Variants in EIF3E observed in about 807,000 individuals in gnomAD.
EIF3E encodes eukaryotic translation initiation factor 3 subunit E, also known as eIF-3 p48.
In EIF3E, 25 loss-of-function variants were observed where a neutral mutation model predicts 59.3. That is an observed-to-expected ratio of 0.42 (90% CI 0.31 to 0.59). The LOEUF (loss-of-function observed/expected upper bound fraction) is 0.59, where lower values mean the gene tolerates loss of function less well. Ranked by LOEUF, EIF3E falls within the 20% of genes least tolerant of loss-of-function variation. The pLI, the probability that EIF3E is intolerant of heterozygous loss-of-function variation, is 0.15. For synonymous variants in EIF3E, 176 were observed against 170.2 expected (o/e 1.03, Z -0.26); for missense variants, 317 against 534.3 (o/e 0.59, Z 4.01).
chr8:108,246,794 C>A (rs944929474), intron 1 of EIF3E, among the ~76,000 whole-genome samples: 1 of 152,138 alleles, frequency 6.6e-6, no homozygotes, highest in African/African-American at 2.4e-5. Flanking sequence ...CTTCCACTTA[C>A]TAAAAAGTAA....
chr8:108,242,597 CAAT>C, intron 1 of EIF3E: 3 of 1,167,972 alleles, frequency 2.6e-6, no homozygotes, highest in Non-Finnish European at 3.2e-6. Flanking sequence ...GAAAATGCCA[CAAT>C]ATTTCACTGC....
chr8:108,240,137 T>C lies in EIF3E; in HGVS notation c.206-62A>G, dbSNP rs779658233. ...GAATGTTAAATTGTGCTACTCATCA[T>C]GAGAATGTCTGGAAATTTTTCAGTG... is the stretch of plus-strand genomic sequence containing the variant. On this transcript the variant is annotated intron_variant, in intron 2 of 12. Coordinates refer to ENST00000220849, the MANE Select transcript of EIF3E (RefSeq NM_001568.3). 3.8e-6 allele frequency: 5 copies of C among 1,330,928 alleles called. No individual in the cohort carries two copies. The African/African-American group carries it at 4.3e-5, about 12-fold the overall frequency. 82.4% of individuals were successfully genotyped at this position (1,330,928 alleles called of 1,614,324 possible).
chr8:108,227,766 G>A (rs1296695288), intron 7 of EIF3E: 4 of 152,170 alleles, frequency 2.6e-5, no homozygotes, highest in Non-Finnish European at 5.9e-5. Context: ...CACTGGAAGA[G>A]TAAATTTTAC....
At chr8:108,212,190 G>GT (rs1435530216) in intron 10 of EIF3E, among the ~76,000 whole-genome samples, 2 of 152,102 alleles carry the variant, frequency 1.3e-5, no homozygotes, top group African/African-American at 2.4e-5. Context: ...GAACAGAACT[G>GT]TAAGATAGGC....
intron 2 of EIF3E, among the ~76,000 whole-genome samples, chr8:108,241,079 A>T (rs1306377138): frequency 6.6e-6 from 1 of 152,204 alleles, no homozygotes; most frequent in African/African-American, 2.4e-5. Flanking sequence ...CAAGTCAAAC[A>T]TGTGGATTAT....
intron 7 of EIF3E, among the ~76,000 whole-genome samples, chr8:108,224,357 A>G (rs944666677): frequency 3.3e-5 from 5 of 151,788 alleles, no homozygotes; most frequent in Admixed American, 3.3e-4. Context: ...AATCTTAAAC[A>G]GAGACAACTG....
chr8:108,212,679 G>A (rs1212810072), intron 10 of EIF3E, among the ~76,000 whole-genome samples: 1 of 152,128 alleles, frequency 6.6e-6, no homozygotes, highest in African/African-American at 2.4e-5. Flanking sequence ...GCACATGCCT[G>A]TAATCTCAGC....
chr8:108,237,841 G>A (rs144922335), intron 3 of EIF3E, among the ~76,000 whole-genome samples: 42 of 152,198 alleles, frequency 2.8e-4, no homozygotes, highest in African/African-American at 8.9e-4. Context: ...GATTATTTCC[G>A]GGAAAGTGTA....
At chr8:108,245,095 T>C (rs920166026) in intron 1 of EIF3E, among the ~76,000 whole-genome samples, 12 of 151,896 alleles carry the variant, frequency 7.9e-5, no homozygotes, top group African/African-American at 2.9e-4. Context: ...TTTCCAGTCC[T>C]TACCTTACTC....
intron 3 of EIF3E, among the ~76,000 whole-genome samples, chr8:108,236,515 T>C (rs73306562): frequency 8.9e-4 from 136 of 152,310 alleles, no homozygotes; most frequent in African/African-American, 3.2e-3. Context: ...TGACTATTTC[T>C]AGTAAGGTCA....
chr8:108,220,628 T>C (rs1815393095), intron 7 of EIF3E, among the ~76,000 whole-genome samples: 1 of 152,246 alleles, frequency 6.6e-6, no homozygotes, highest in African/African-American at 2.4e-5. Context: ...TCAAGTCTGC[T>C]GCAAAAGTTA....
At chr8:108,215,593 C>T (rs651951) in intron 9 of EIF3E, among the ~76,000 whole-genome samples, 30 of 151,074 alleles carry the variant, frequency 2.0e-4, no homozygotes, top group Non-Finnish European at 3.2e-4. Context: ...ACTCCAGCCT[C>T]GGCAACAGAG....
intron 8 of EIF3E, among the ~76,000 whole-genome samples, chr8:108,216,716 A>G (rs1815311867): frequency 6.6e-6 from 1 of 152,254 alleles, no homozygotes; most frequent in Middle Eastern, 3.4e-3. Flanking sequence ...CAAGTTCTCT[A>G]AAGTCTCATC....
At chr8:108,242,033 C>T (rs615233) in intron 1 of EIF3E, 120 bp from the exon 2 acceptor site, 689,654 of 1,201,620 alleles carry the variant, frequency 0.57, 199,852 homozygotes, top group African/African-American at 0.67. Context: ...TACGATAAAC[C>T]ATTAACATTC....
In EIF3E at chr8:108,223,299, G is replaced by C. The variant is rs1174080833; in HGVS notation, c.722+4968C>G. Among the ~76,000 whole-genome samples the C allele has an allele frequency of 2.0e-5, 3 of 152,120 alleles. No individual in the cohort carries two copies. In the East Asian group the frequency reaches 5.8e-4, roughly 29 times the overall value. Reference sequence around the variant, plus strand: ...GGGAAGTGCATTTCATGAAGGACAGGCTTTAAAAAGAGAAAAACAAAAACA... The same window carrying C: ...GGGAAGTGCATTTCATGAAGGACAGCCTTTAAAAAGAGAAAAACAAAAACA... On this transcript the variant is annotated intron_variant, in intron 7 of 12. Coordinates refer to ENST00000220849, the MANE Select transcript of EIF3E (RefSeq NM_001568.3).
chr8:108,248,210 C>A (rs553328074), intron 1 of EIF3E, among the ~76,000 whole-genome samples: 1 of 152,288 alleles, frequency 6.6e-6, no homozygotes, highest in Non-Finnish European at 1.5e-5. Flanking sequence ...CACAGCCAAG[C>A]CCAGGCTTCC....
Position 108,246,289 on chromosome 8 carries a change from G to GC in EIF3E, c.90+2323_90+2324insG, listed in dbSNP as rs538409545. 2.3e-3 allele frequency among the ~76,000 whole-genome samples: 226 copies of GC among 99,862 alleles called. 1 individual carries two copies. Among genetic ancestry groups the GC allele is most frequent in the Admixed American group, 4.4e-3 (39 of 8,900 alleles). The allele number at this position is 99,862 out of a possible 152,430, so 65.5% of individuals were successfully genotyped here. A position where few individuals can be genotyped will look rare whatever the true frequency, so the allele number is the denominator to read the frequency against. On this transcript the variant is annotated intron_variant, in intron 1 of 12. Transcript: ENST00000220849. The stretch of plus-strand genomic sequence containing the variant: ...TTGAAACTGCTAAGGGGGTGTGGGG[G>GC]GGGGGGGCTGCTGTATCCTCACATA...
intron 5 of EIF3E, 153 bp downstream of exon 5, chr8:108,234,845 T>A: frequency 7.2e-6 from 3 of 415,496 alleles, no homozygotes. Context: ...TGTTTTTGAG[T>A]GGGAGGGTTT....
At chr8:108,247,378 T>C (rs57015275) in intron 1 of EIF3E, among the ~76,000 whole-genome samples, 5,801 of 152,250 alleles carry the variant, frequency 0.038, 334 homozygotes, top group African/African-American at 0.12. Context: ...AAGAAAACAA[T>C]GCAGATGCGA....
Sources: gnomAD v4.1 joint callset for allele counts (sites outside exome capture counted in the v4.1 genomes callset) on GRCh38, gnomAD v4.1.1 for gene constraint, MANE v1.5 for transcripts, NCBI Gene and HGNC (gene_info 2026-07-23, HGNC 2026-07-21) for gene names.